Variants in LAMA4 observed in about 807,000 individuals in gnomAD.
The protein encoded by LAMA4 is laminin subunit alpha 4.
In LAMA4, 127 loss-of-function variants were observed where a neutral mutation model predicts 207.1. That is an observed-to-expected ratio of 0.61 (90% confidence interval 0.53 to 0.71). LAMA4 has a LOEUF of 0.71. Ranked by LOEUF, LAMA4 falls within the 30% of genes least tolerant of loss-of-function variation. The pLI, the probability that LAMA4 is intolerant of heterozygous loss-of-function variation, is 0.00. For synonymous variants in LAMA4, 761 were observed against 816.0 expected (o/e 0.93, Z 1.15); for missense variants, 2,093 against 2,246.5 (o/e 0.93, Z 1.38).
At chr6:112,121,347 T>C (rs1425111998) in intron 32 of LAMA4, among the ~76,000 whole-genome samples, 2 of 152,244 alleles carry the variant, frequency 1.3e-5, no homozygotes, top group Non-Finnish European at 2.9e-5. Context: ...TTTGATTAAC[T>C]CTAAATTCTT....
At chr6:112,151,702 A>T (rs1780414622) in intron 16 of LAMA4, among the ~76,000 whole-genome samples, 2 of 152,120 alleles carry the variant, frequency 1.3e-5, no homozygotes, top group Admixed American at 6.5e-5. Flanking sequence ...TTACACATTG[A>T]ATTGGTAATG....
At chr6:112,194,810 A>T (rs1319374333) in intron 5 of LAMA4, among the ~76,000 whole-genome samples, 2 of 152,210 alleles carry the variant, frequency 1.3e-5, no homozygotes, top group Non-Finnish European at 2.9e-5. Flanking sequence ...TAGAGTAAGC[A>T]TTGGAGCCCT....
intron 23 of LAMA4, among the ~76,000 whole-genome samples, chr6:112,139,499 G>A (rs1417366431): frequency 6.6e-6 from 1 of 152,192 alleles, no homozygotes; most frequent in Non-Finnish European, 1.5e-5. Flanking sequence ...TAAGACAACT[G>A]AAGTCTCCAG....
chr6:112,159,215 T>C (rs76159662), intron 13 of LAMA4, among the ~76,000 whole-genome samples: 3,287 of 152,318 alleles, frequency 0.022, 128 homozygotes, highest in African/African-American at 0.073. Context: ...TAGCAACATA[T>C]TTCAAAAAAT....
Position 112,119,419 on chromosome 6 carries a change from T to C in LAMA4, c.4666-108A>G, listed in dbSNP as rs1214592666. 5.8e-6 allele frequency: 7 copies of C among 1,198,702 alleles called. No individual in the cohort carries two copies. The Admixed American group carries it at 7.1e-5, about 12-fold the overall frequency. 74.3% of individuals were successfully genotyped at this position (1,198,702 alleles called of 1,614,324 possible). On this transcript the variant is annotated intron_variant, in intron 33 of 38. Coordinates refer to ENST00000230538, the MANE Select transcript of LAMA4 (RefSeq NM_001105206.3). ...TGCTATTGCAATGCTGTGGGAAATC[T>C]TCAGAAAGTTTATTTTTAAAATGGC... is the stretch of plus-strand genomic sequence containing the variant.
intron 12 of LAMA4, among the ~76,000 whole-genome samples, chr6:112,167,979 A>G (rs530784528): frequency 8.6e-5 from 13 of 151,938 alleles, no homozygotes; most frequent in Admixed American, 3.9e-4. Context: ...AGGCCGAGGC[A>G]GGCAGATCAC....
chr6:112,136,179 C>T lies in LAMA4; in HGVS notation c.3358G>A (p.Val1120Met), dbSNP rs1373180716. 1.2e-6 allele frequency: 2 copies of T among 1,612,572 alleles called. No homozygotes were observed. The highest frequency in any genetic ancestry group is 1.7e-5 in the Admixed American group (1 of 59,972). ...FYDFGFSGGP[V>M]HLEDTLKKAQ... ...TTCTTTAACGTATCTTCAAGATGCA[C>T]AGGGCCACCGCTGAATCCAAAATCA... is the stretch of plus-strand genomic sequence containing the variant. The change falls in exon 25 of 39, where the codon GTG (valine) becomes ATG (methionine). Residue 1120 changes from valine (V) to methionine (M), a missense_variant. Val to Met is a conservative substitution (Grantham distance 21, BLOSUM62 1). Around this residue, in one of 3 missense-constraint regions of LAMA4, gnomAD observed 1,704 missense variants for 1,788.4 expected, o/e 0.95. Coordinates refer to ENST00000230538, the MANE Select transcript of LAMA4 (RefSeq NM_001105206.3).
chr6:112,169,405 T>G (rs1432264779), intron 12 of LAMA4, among the ~76,000 whole-genome samples: 3 of 152,208 alleles, frequency 2.0e-5, no homozygotes, highest in Non-Finnish European at 4.4e-5. Flanking sequence ...GCAAGGCTAA[T>G]CCACGTGGCT....
intron 2 of LAMA4, chr6:112,253,749 C>T (rs782691017): frequency 2.5e-6 from 4 of 1,613,544 alleles, no homozygotes; most frequent in Non-Finnish European, 8.5e-7. Flanking sequence ...AGACACATTC[C>T]GAAGCCTCAA....
chr6:112,174,093 T>C (rs1781876779), intron 11 of LAMA4, among the ~76,000 whole-genome samples: 1 of 152,232 alleles, frequency 6.6e-6, no homozygotes, highest in Admixed American at 6.5e-5. Flanking sequence ...CTGTGATTTC[T>C]TCCATTGATT....
intron 20 of LAMA4, among the ~76,000 whole-genome samples, 171 bp from the exon 21 acceptor site, chr6:112,141,674 C>G (rs1779704010): frequency 6.6e-6 from 1 of 152,172 alleles, no homozygotes; most frequent in South Asian, 2.1e-4. Flanking sequence ...TTTCCAGCCT[C>G]CCTGTGGCCA....
intron 24 of LAMA4, among the ~76,000 whole-genome samples, chr6:112,137,893 A>T (rs1562648963): frequency 6.6e-6 from 1 of 152,208 alleles, no homozygotes; most frequent in Non-Finnish European, 1.5e-5. Context: ...TATTTCAAAA[A>T]AGAAACATAC....
intron 17 of LAMA4, 68 bp from the exon 18 acceptor site, chr6:112,148,404 C>T: frequency 6.6e-7 from 1 of 1,507,504 alleles, no homozygotes; most frequent in Non-Finnish European, 9.2e-7. Context: ...ACATTAACAC[C>T]CCTTTAACCC....
chr6:112,221,514 GTCT>G lies in LAMA4; in HGVS notation c.196-5048_196-5046del, dbSNP rs531795837. ...AGAATCATTGCTACCATCCAAATTA[GTCT>G]TCTTCAAATTTAACAGCCCACATTA... On this transcript the variant is annotated intron_variant, in intron 2 of 38. Transcript: ENST00000230538. 7.9e-5 allele frequency among the ~76,000 whole-genome samples: 12 copies of G among 152,216 alleles called. No homozygotes were observed. In the South Asian group the frequency reaches 2.3e-3, roughly 29 times the overall value.
intron 2 of LAMA4, among the ~76,000 whole-genome samples, chr6:112,225,815 C>T (rs1269484064): frequency 3.9e-5 from 6 of 152,142 alleles, no homozygotes; most frequent in African/African-American, 1.2e-4. Context: ...ACTGCTTAGA[C>T]CTTAAACAAC....
At position 112,240,811 on chromosome 6, in the gene LAMA4, C is replaced by T. The variant is rs138900161; in HGVS notation, c.195+13145G>A. ...ATCTGTTGATGGACACTTAGGTTGC[C>T]TCCAAATCTTTGCTATTGTAAACAG... is the stretch of plus-strand genomic sequence containing the variant. On this transcript the variant is annotated intron_variant, in intron 2 of 38. Transcript: ENST00000230538. Among the ~76,000 whole-genome samples the T allele has an allele frequency of 3.0e-3, 459 of 152,098 alleles. 1 individual carries two copies. The highest frequency in any genetic ancestry group is 0.01 in the African/African-American group (425 of 41,508).
In LAMA4 at chr6:112,155,008, T is replaced by C. The variant is rs2277084; in HGVS notation, c.1960-61A>G. The C allele has an allele frequency of 0.27, 296,042 of 1,084,100 alleles. 42,786 individuals are homozygous for C. Among genetic ancestry groups the C allele is most frequent in the African/African-American group, 0.42 (27,307 of 64,826 alleles). The allele number at this position is 1,084,100 out of a possible 1,614,324, so 67.2% of individuals were successfully genotyped here. On this transcript the variant is annotated intron_variant, in intron 15 of 38. Transcript: ENST00000230538. ...AGCAGAAGAAATCAGCTATTCATAG[T>C]TGAAGGATTTAAATGACACAGTTTA... is the stretch of plus-strand genomic sequence containing the variant.
chr6:112,163,156 T>C lies in LAMA4; in HGVS notation c.1668+2004A>G, dbSNP rs529605711. ...CTAGCTATTTAAAAAAAAATTTTCT[T>C]TTTTGTAGAGAGGGGGTCTCACTAT... On this transcript the variant is annotated intron_variant, in intron 13 of 38. Coordinates refer to ENST00000230538, the MANE Select transcript of LAMA4 (RefSeq NM_001105206.3). 4.4e-5 allele frequency among the ~76,000 whole-genome samples: 4 copies of C among 89,918 alleles called. No homozygotes were observed. In the South Asian group the frequency reaches 1.3e-3, roughly 30 times the overall value. 59.0% of individuals were successfully genotyped at this position (89,918 alleles called of 152,430 possible).
chr6:112,136,640 C>T (rs375638518), intron 24 of LAMA4, among the ~76,000 whole-genome samples: 5 of 147,522 alleles, frequency 3.4e-5, no homozygotes, highest in South Asian at 4.2e-4. Flanking sequence ...TACAGTGAGC[C>T]GAGATCGTGA....
Sources: allele counts gnomAD v4.1 joint callset (sites outside exome capture counted in the v4.1 genomes callset), GRCh38; gene constraint gnomAD v4.1.1; regional missense constraint gnomAD v4.1.1; transcripts MANE v1.5; gene names NCBI Gene and HGNC (gene_info 2026-07-23, HGNC 2026-07-21).